XXYLT1: variants seen among roughly 807,000 people sequenced by gnomAD.
XXYLT1 encodes the protein UDP-xylose:alpha-xyloside alpha-1,3-xylosyltransferase.
Under a neutral mutation model 28.9 loss-of-function variants are expected in XXYLT1, and 20 were observed. The observed-to-expected ratio is 0.69, with a 90% CI of 0.49 to 1.00. The LOEUF (loss-of-function observed/expected upper bound fraction) is 1.00, where lower values mean the gene tolerates loss of function less well. Among genes scored for constraint, XXYLT1 ranks in the 50% least tolerant of loss-of-function variants. The pLI is 0.00. For missense variants in XXYLT1, 542 were observed against 560.1 expected, an observed-to-expected ratio of 0.97 and a Z score of 0.33; for synonymous variants, 257 against 253.8, an observed-to-expected ratio of 1.01 and a Z score of -0.12.
intron 3 of XXYLT1, chr3:195,094,276 T>C (rs903222766): frequency 3.3e-5 from 5 of 153,012 alleles, no homozygotes; most frequent in African/African-American, 1.2e-4. Context: ...CTGTCTGCAC[T>C]CTGCTGAAAC....
chr3:195,113,818 G>A (rs1717905170), intron 3 of XXYLT1, among the ~76,000 whole-genome samples: 1 of 152,096 alleles, frequency 6.6e-6, no homozygotes, highest in Non-Finnish European at 1.5e-5. Flanking sequence ...AGGAGCCCTG[G>A]GCATTCTGAT....
intron 3 of XXYLT1, among the ~76,000 whole-genome samples, chr3:195,143,831 GATATAGAT>G (rs1207239570): frequency 1.4e-4 from 9 of 65,704 alleles, no homozygotes; most frequent in East Asian, 1.3e-3. Flanking sequence ...GATATATATA[GATATAGAT>G]ATAGATATAT....
chr3:195,107,236 G>T (rs1278288490), intron 3 of XXYLT1, among the ~76,000 whole-genome samples: 1 of 151,894 alleles, frequency 6.6e-6, no homozygotes, highest in Non-Finnish European at 1.5e-5. Flanking sequence ...CACTTTTGGA[G>T]GCCGAGGCGG....
intron 2 of XXYLT1, among the ~76,000 whole-genome samples, chr3:195,221,251 C>T (rs1311531915): frequency 6.6e-6 from 1 of 152,230 alleles, no homozygotes; most frequent in African/African-American, 2.4e-5. Context: ...AGGAAGGCTT[C>T]CTTCTTCCTG....
chr3:195,252,705 CA>C (rs1725305236), intron 1 of XXYLT1, among the ~76,000 whole-genome samples: 5 of 139,050 alleles, frequency 3.6e-5, no homozygotes, highest in South Asian at 2.2e-4. Flanking sequence ...CACACACACA[CA>C]CACACACACA....
rs552131376 is a variant in XXYLT1 at position 195,210,108 on chromosome 3, C to T, written c.652+16601G>A. Reference sequence around the variant, plus strand: ...GCCCGCACACCCTGGCCCAGAATGCCTGCTCGGCCCCTCCCCCAGCCTTCA... The same window carrying T: ...GCCCGCACACCCTGGCCCAGAATGCTTGCTCGGCCCCTCCCCCAGCCTTCA... On this transcript the variant is annotated intron_variant, in intron 2 of 3. Transcript: ENST00000310380. This position sits in a 1 kb window ranked among gnomAD's most constrained non-coding sequence, Gnocchi z 4.8. Among the ~76,000 whole-genome samples, 2 of 152,346 alleles carry T rather than the reference C, an allele frequency of 1.3e-5. 1 individual carries two copies. Among genetic ancestry groups the T allele is most frequent in the South Asian group, 4.1e-4 (2 of 4,824 alleles).
intron 2 of XXYLT1, among the ~76,000 whole-genome samples, chr3:195,219,495 A>AAG (rs1474235360): frequency 1.3e-5 from 2 of 152,186 alleles, no homozygotes; most frequent in African/African-American, 4.8e-5. Flanking sequence ...GCAGGAAGGG[A>AAG]AGAAGGAATG....
chr3:195,079,633 C>A (rs1715314429), intron 3 of XXYLT1, among the ~76,000 whole-genome samples: 1 of 152,134 alleles, frequency 6.6e-6, no homozygotes, highest in South Asian at 2.1e-4. Flanking sequence ...CCGAGGTCAG[C>A]AAGGGGAGAA....
chr3:195,099,767 C>T (rs1716665860), intron 3 of XXYLT1, among the ~76,000 whole-genome samples: 1 of 145,362 alleles, frequency 6.9e-6, no homozygotes, highest in African/African-American at 2.5e-5. Context: ...GGAGGCGGAG[C>T]TTGCAGTGAG....
chr3:195,072,895 G>C (rs1714903480), intron 3 of XXYLT1, among the ~76,000 whole-genome samples: 1 of 152,208 alleles, frequency 6.6e-6, no homozygotes, highest in Non-Finnish European at 1.5e-5. Flanking sequence ...AGAAGGAATG[G>C]TACGGGGTGT....
chr3:195,137,900 C>G (rs143859760), intron 3 of XXYLT1, among the ~76,000 whole-genome samples: 60 of 152,306 alleles, frequency 3.9e-4, no homozygotes, highest in Non-Finnish European at 7.3e-4. Flanking sequence ...CAGGCTTTAT[C>G]AGACACACCC....
chr3:195,235,811 C>T (rs1044967792), intron 1 of XXYLT1, among the ~76,000 whole-genome samples: 9 of 151,962 alleles, frequency 5.9e-5, no homozygotes, highest in African/African-American at 2.2e-4. Flanking sequence ...TCTTAGATCA[C>T]ATCTGGAAGA....
At chr3:195,117,011 G>A (rs565661293) in intron 3 of XXYLT1, among the ~76,000 whole-genome samples, 3 of 152,128 alleles carry the variant, frequency 2.0e-5, no homozygotes, top group Admixed American at 1.3e-4. Flanking sequence ...CTGATGCTAC[G>A]GGGATGTGGA....
rs1721492016 is a variant in XXYLT1 at position 195,173,124 on chromosome 3, C to T, written c.653-16543G>A. Among the ~76,000 whole-genome samples the T allele has an allele frequency of 2.0e-5, 3 of 152,186 alleles. No homozygotes were observed. Among genetic ancestry groups the T allele is most frequent in the South Asian group, 4.1e-4 (2 of 4,832 alleles). ...GCGTCCTGGTACACATCTTGCAAGT[C>T]CATCAGGAGCTCTGGCTCTCTAGAC... is the stretch of plus-strand genomic sequence containing the variant. On this transcript the variant is annotated intron_variant, in intron 2 of 3. Transcript: ENST00000310380. The surrounding 1 kb of genome is among the most constrained non-coding windows in gnomAD (Gnocchi z 4.3).
rs1714671766 is a variant in XXYLT1, at chr3:195,069,517, G to T, written c.*198C>A. The T allele has an allele frequency of 4.4e-6, 3 of 688,614 alleles. No individual in the cohort carries two copies. Among genetic ancestry groups the T allele is most frequent in the Non-Finnish European group, 7.1e-6 (3 of 424,802 alleles). The allele number at this position is 688,614 out of a possible 1,614,324, so 42.7% of individuals were successfully genotyped here. On this transcript the variant is annotated 3_prime_UTR_variant, in exon 4 of 4. Transcript: ENST00000310380. ...GCTCCCTGGAGGAATAAGGTCCCAAGCACCAGCAGTGCACAGGCCAGTCCT... is the reference window on the plus strand; with the variant it reads ...GCTCCCTGGAGGAATAAGGTCCCAATCACCAGCAGTGCACAGGCCAGTCCT...
At chr3:195,099,429 C>T (rs572673109) in intron 3 of XXYLT1, among the ~76,000 whole-genome samples, 3 of 152,210 alleles carry the variant, frequency 2.0e-5, no homozygotes, top group Non-Finnish European at 2.9e-5. Flanking sequence ...TCAGCCTGGA[C>T]GCAGTCAAGT....
intron 3 of XXYLT1, among the ~76,000 whole-genome samples, chr3:195,143,861 TA>T (rs59145739): frequency 9.9e-6 from 1 of 100,898 alleles, no homozygotes; most frequent in African/African-American, 4.1e-5. Context: ...TATAGATATA[TA>T]TAGATATAGA....
At chr3:195,140,564 G>A (rs1297098545) in intron 3 of XXYLT1, among the ~76,000 whole-genome samples, 1 of 152,196 alleles carries the variant, frequency 6.6e-6, no homozygotes, top group Non-Finnish European at 1.5e-5. Context: ...TGGCCAGGAG[G>A]CCTCAGAAAA....
At chr3:195,163,519 G>A (rs1720972791) in intron 2 of XXYLT1, among the ~76,000 whole-genome samples, 1 of 152,184 alleles carries the variant, frequency 6.6e-6, no homozygotes, top group Non-Finnish European at 1.5e-5. Flanking sequence ...GACAATGATA[G>A]GACTAATTCC....
Sources: gnomAD v4.1 joint callset for allele counts (sites outside exome capture counted in the v4.1 genomes callset) on GRCh38, gnomAD v4.1.1 for gene constraint, Gnocchi (gnomAD v3.1) non-coding constraint, MANE v1.5 for transcripts, NCBI Gene and HGNC (gene_info 2026-07-23, HGNC 2026-07-21) for gene names.